Variants in CELF2 observed in about 807,000 individuals in gnomAD.
CELF2 encodes CUG triplet repeat RNA-binding protein 2.
A neutral mutation model predicts 62.6 loss-of-function variants in CELF2; 8 were observed. The ratio of observed to expected loss-of-function variants is 0.13; its 90% CI spans 0.07 to 0.23. CELF2 has a LOEUF of 0.23. Ranked by LOEUF, CELF2 falls within the 10% of genes least tolerant of loss-of-function variation. The pLI is 1.00. For missense variants in CELF2, 333 were observed against 671.0 expected (o/e 0.50, Z 5.56); for synonymous variants, 258 against 250.0 (o/e 1.03, Z -0.30).
In CELF2 at chr10:11,321,533, AC is replaced by A. The variant is rs2095437355; in HGVS notation, c.1294+148del. ...TTATTCATGTTTAAAAAAAAAAAAAACTGAAAGCTGGGCATGGTGGCATACA... is the reference window on the plus strand; with the variant it reads ...TTATTCATGTTTAAAAAAAAAAAAAATGAAAGCTGGGCATGGTGGCATACA... On this transcript the variant is annotated intron_variant, in intron 11 of 12. Coordinates refer to ENST00000633077, the MANE Select transcript of CELF2 (RefSeq NM_001326342.2). This position sits in a 1 kb window ranked among gnomAD's most constrained non-coding sequence, Gnocchi z 6.2. 5 of 618,744 alleles carry A rather than the reference AC, an allele frequency of 8.1e-6. No homozygotes were observed. Among genetic ancestry groups the A allele is most frequent in the Non-Finnish European group, 1.4e-5 (5 of 368,928 alleles). The allele number at this position is 618,744 out of a possible 1,614,324, so 38.3% of individuals were successfully genotyped here. A position where few individuals can be genotyped will look rare whatever the true frequency, so the allele number is the denominator to read the frequency against.
At chr10:10,514,004 A>G in the CELF2 span, among the ~76,000 whole-genome samples, 2 of 152,304 alleles carry the variant, frequency 1.3e-5, no homozygotes, top group African/African-American at 4.8e-5. Context: ...TCCTCTTGCC[A>G]GCAATGGAAG....
the CELF2 span, among the ~76,000 whole-genome samples, chr10:10,648,882 G>A: frequency 6.6e-6 from 1 of 152,032 alleles, no homozygotes; most frequent in Non-Finnish European, 1.5e-5. Context: ...GGTTCAATAA[G>A]TGAAATGATG....
chr10:11,045,317 G>A (rs983218509), intron 1 of CELF2, among the ~76,000 whole-genome samples: 1 of 152,068 alleles, frequency 6.6e-6, no homozygotes, highest in Non-Finnish European at 1.5e-5. Context: ...TGCTCATGCT[G>A]GTCTAGAACT....
intron 1 of CELF2, among the ~76,000 whole-genome samples, chr10:10,813,799 C>T (rs1437688886): frequency 6.6e-6 from 1 of 152,176 alleles, no homozygotes. Context: ...GGGCCATGGG[C>T]CGTGGTTTGC....
intron 1 of CELF2, among the ~76,000 whole-genome samples, chr10:10,823,131 A>C (rs1043668359): frequency 2.0e-5 from 3 of 152,204 alleles, no homozygotes; most frequent in Non-Finnish European, 1.5e-5. Context: ...TTCTTTTTTA[A>C]AAAATCACAA....
intron 3 of CELF2, among the ~76,000 whole-genome samples, chr10:11,239,794 C>T (rs1426578550): frequency 2.0e-5 from 3 of 152,056 alleles, no homozygotes; most frequent in East Asian, 1.9e-4. Context: ...CACAGTGGGT[C>T]GTGCCTGTAA....
At chr10:10,867,530 G>A (rs374213609) in intron 1 of CELF2, among the ~76,000 whole-genome samples, 8 of 151,946 alleles carry the variant, frequency 5.3e-5, no homozygotes, top group East Asian at 1.9e-4. Context: ...CTTTCATATC[G>A]CTAATCTTAT....
At chr10:10,926,866 G>A (rs1315890753) in intron 2 of CELF2, among the ~76,000 whole-genome samples, 1 of 152,192 alleles carries the variant, frequency 6.6e-6, no homozygotes, top group East Asian at 1.9e-4. Flanking sequence ...GGTAAATCCA[G>A]TGGCCATTTA....
chr10:11,201,146 G>C (rs139015029), intron 2 of CELF2, among the ~76,000 whole-genome samples: 1 of 152,320 alleles, frequency 6.6e-6, no homozygotes, highest in East Asian at 1.9e-4. Flanking sequence ...TCTTGTAGCT[G>C]TGTTGGGTAG....
chr10:10,509,179 AG>A, the CELF2 span, among the ~76,000 whole-genome samples: 630 of 152,302 alleles, frequency 4.1e-3, 4 homozygotes, highest in Non-Finnish European at 7.5e-3. Flanking sequence ...AGGTACTGGA[AG>A]GATCATAATG....
chr10:10,895,989 A>C (rs547073154), intron 1 of CELF2, among the ~76,000 whole-genome samples: 2 of 152,314 alleles, frequency 1.3e-5, no homozygotes, highest in South Asian at 4.1e-4. Context: ...CAAGAAGACT[A>C]AGGTGGCTAG....
chr10:11,084,613 A>G (rs928812619), intron 1 of CELF2, among the ~76,000 whole-genome samples: 1 of 152,234 alleles, frequency 6.6e-6, no homozygotes, highest in African/African-American at 2.4e-5. Flanking sequence ...CACAGTTGGT[A>G]TAATTCCCAA....
chr10:10,902,694 G>C (rs2063024490), intron 1 of CELF2, among the ~76,000 whole-genome samples: 1 of 151,994 alleles, frequency 6.6e-6, no homozygotes, highest in South Asian at 2.1e-4. Flanking sequence ...TTTCACAGCT[G>C]TAAATTTATG....
chr10:10,983,188 A>T lies in CELF2; in HGVS notation c.89+63189A>T, dbSNP rs1019184823. ...AAGTTCAGACACATAGGTTTATACA[A>T]GATGAAAATATTAGATAAAAAGTGA... On this transcript the variant is annotated intron_variant, in intron 2 of 13. Coordinates refer to the CELF2 transcript ENST00000636488. The surrounding 1 kb of genome is among the most constrained non-coding windows in gnomAD (Gnocchi z 5.2). 1.3e-5 allele frequency among the ~76,000 whole-genome samples: 2 copies of T among 152,168 alleles called. No individual in the cohort carries two copies. Among genetic ancestry groups the T allele is most frequent in the African/African-American group, 4.8e-5 (2 of 41,452 alleles).
Position 11,216,390 on chromosome 10 carries a change from A to G in CELF2, c.272-1035A>G, listed in dbSNP as rs142756023. 3.2e-3 allele frequency among the ~76,000 whole-genome samples: 491 copies of G among 152,336 alleles called. 2 individuals are homozygous for G. The highest frequency in any genetic ancestry group is 0.011 in the African/African-American group (476 of 41,560). On this transcript the variant is annotated intron_variant, in intron 2 of 12. Transcript: ENST00000633077. Reference sequence around the variant, plus strand: ...TGCGTTATGTTCCTTTAATAAAGCCAAAATAAAATACATACAGTCTTGGTG... The same window carrying G: ...TGCGTTATGTTCCTTTAATAAAGCCGAAATAAAATACATACAGTCTTGGTG...
chr10:11,171,434 G>T (rs967655636), intron 2 of CELF2: 1 of 152,566 alleles, frequency 6.6e-6, no homozygotes, highest in African/African-American at 2.4e-5. Flanking sequence ...TCAGGAAGTC[G>T]TTAGTAAAAT....
intron 3 of CELF2, among the ~76,000 whole-genome samples, chr10:11,225,663 G>A (rs1285546761): frequency 6.6e-6 from 1 of 152,166 alleles, no homozygotes; most frequent in Non-Finnish European, 1.5e-5. Context: ...AAAAGAAAGG[G>A]CAAGGGGATG....
At chr10:10,814,610 G>A (rs753279591) in intron 1 of CELF2, among the ~76,000 whole-genome samples, 1 of 152,174 alleles carries the variant, frequency 6.6e-6, no homozygotes, top group Non-Finnish European at 1.5e-5. Context: ...ACTAGAGAAT[G>A]AGAACACTGT....
rs1279449061 is a variant in CELF2 at position 11,098,576 on chromosome 10, T to C, written c.75-66910T>C. The C allele has an allele frequency of 2.0e-5, 3 of 152,174 alleles. No homozygotes were observed. The highest frequency in any genetic ancestry group is 4.4e-5 in the Non-Finnish European group (3 of 68,046). 9.4% of individuals were successfully genotyped at this position (152,174 alleles called of 1,614,324 possible). On this transcript the variant is annotated intron_variant, in intron 1 of 12. Coordinates refer to ENST00000633077, the MANE Select transcript of CELF2 (RefSeq NM_001326342.2). The surrounding 1 kb of genome is among the most constrained non-coding windows in gnomAD (Gnocchi z 4.0). ...AAAGAGATAACAGACACTGAAATCATCACATATTCCTTTAGAAAGGCACAG... is the reference window on the plus strand; with the variant it reads ...AAAGAGATAACAGACACTGAAATCACCACATATTCCTTTAGAAAGGCACAG...
Sources: gnomAD v4.1 joint callset for allele counts (sites outside exome capture counted in the v4.1 genomes callset) on GRCh38, gnomAD v4.1.1 for gene constraint, Gnocchi (gnomAD v3.1) non-coding constraint, MANE v1.5 for transcripts, NCBI Gene and HGNC (gene_info 2026-07-23, HGNC 2026-07-21) for gene names.